The following UBAP1L variants were observed in gnomAD, a reference collection of about 807,000 sequenced individuals.
UBAP1L encodes ubiquitin-associated protein 1-like.
Under a neutral mutation model 32.1 loss-of-function variants are expected in UBAP1L, and 32 were observed. That is an observed-to-expected ratio of 1.00 (90% CI 0.75 to 1.34). The LOEUF (loss-of-function observed/expected upper bound fraction) is 1.34. UBAP1L is among the 40% of genes most tolerant of loss of function. UBAP1L has a pLI of 0.00. For synonymous variants in UBAP1L, 243 were observed against 250.2 expected (o/e 0.97, Z 0.27); for missense variants, 516 against 540.5 (o/e 0.95, Z 0.45).
At chr15:65,107,270 A>T (rs1009174987) in intron 1 of UBAP1L, among the ~76,000 whole-genome samples, 1 of 151,736 alleles carries the variant, frequency 6.6e-6, no homozygotes, top group Non-Finnish European at 1.5e-5. Context: ...TCTCTAACAC[A>T]TCACACAGTG....
rs942973908 is a variant in UBAP1L, at chr15:65,115,161, CAGG to C, written c.-188_-186del. On this transcript the variant is annotated 5_prime_UTR_variant, in exon 1 of 6. Coordinates refer to ENST00000559089, the MANE Select transcript of UBAP1L (RefSeq NM_001163692.2). Reference sequence around the variant, plus strand: ...TACTTTGTACTTACCTTGTAATTACCAGGAGAACTTCCCTGCAGACAAAGCGTG... The same window carrying C: ...TACTTTGTACTTACCTTGTAATTACCAGAACTTCCCTGCAGACAAAGCGTG... 1 of 151,994 alleles carries C rather than the reference CAGG, an allele frequency of 6.6e-6. No individual in the cohort carries two copies. Among genetic ancestry groups the C allele is most frequent in the Non-Finnish European group, 1.5e-5 (1 of 67,994 alleles). 9.4% of individuals were successfully genotyped at this position (151,994 alleles called of 1,614,324 possible). A position where few individuals can be genotyped will look rare whatever the true frequency, so the allele number is the denominator to read the frequency against.
Position 65,094,343 on chromosome 15 carries a change from C to A in UBAP1L, c.1011+132G>T. The A allele has an allele frequency of 1.6e-6, 1 of 626,522 alleles. No individual in the cohort carries two copies. The highest frequency in any genetic ancestry group is 2.8e-6 in the Non-Finnish European group (1 of 363,402). 38.8% of individuals were successfully genotyped at this position (626,522 alleles called of 1,614,324 possible). On this transcript the variant is annotated intron_variant, in intron 5 of 5. Transcript: ENST00000559089. This position sits in a 1 kb window ranked among gnomAD's most constrained non-coding sequence, Gnocchi z 4.2. ...TCCTCCTCAGAGCTGAGGAGTCAGG[C>A]AATCTCCCGACAGACCCACAGGCTG...
rs544887822 is a variant in UBAP1L at position 65,108,705 on chromosome 15, G to A, written c.-173-2317C>T. Among the ~76,000 whole-genome samples the A allele has an allele frequency of 4.0e-4, 61 of 151,806 alleles. 1 individual carries two copies. The South Asian group carries it at 0.013, about 32-fold the overall frequency. On this transcript the variant is annotated intron_variant, in intron 1 of 5. Coordinates refer to ENST00000559089, the MANE Select transcript of UBAP1L (RefSeq NM_001163692.2). ...GGCTGCAGTAAGATGAGTGAGCTGT[G>A]AGCCCAGGTTGCACTCCAGCCTGGG...
chr15:65,104,891 C>G (rs2087287455), intron 2 of UBAP1L: 1 of 396,244 alleles, frequency 2.5e-6, no homozygotes, highest in Admixed American at 3.1e-5. Context: ...CCTGTAATCC[C>G]AGCTACTCGG....
In UBAP1L at chr15:65,093,110, G is replaced by C; in HGVS notation, c.1133C>G (p.Ala378Gly). The part of the protein sequence containing the change: ...RREQALEELV[A>G]CAQ ...GTGCCTCCGTGGTCACTGGGCACAG[G>C]CCACCAGCTCCTCCAGGGCTTGCTC... is the stretch of plus-strand genomic sequence containing the variant. Residue 378 changes from alanine (A) to glycine (G), a missense_variant, in exon 6 of 6, where the codon GCC (alanine) becomes GGC (glycine). Coordinates refer to ENST00000559089, the MANE Select transcript of UBAP1L (RefSeq NM_001163692.2). 6.5e-7 allele frequency: 1 copy of C among 1,548,680 alleles called. No homozygotes were observed. The highest frequency in any genetic ancestry group is 8.7e-7 in the Non-Finnish European group (1 of 1,146,398).
intron 1 of UBAP1L, among the ~76,000 whole-genome samples, chr15:65,113,919 C>T (rs1267047720): frequency 6.6e-6 from 1 of 152,084 alleles, no homozygotes; most frequent in South Asian, 2.1e-4. Flanking sequence ...TGAAGTCTTG[C>T]TCTGTTGCCC....
Position 65,102,434 on chromosome 15 carries a change from G to A in UBAP1L, c.371C>T (p.Ala124Val). ...GGAGCCCGGTTGGAGGCTGCTGGGG[G>A]CCGGCTCTTCCTCGCTGCCAGAGGA... is the stretch of plus-strand genomic sequence containing the variant. Reference protein sequence around the residue: ...EASSGSEEEPAPSSLQPGSPA... With the variant: ...EASSGSEEEPVPSSLQPGSPA... Residue 124 changes from alanine to valine, a missense_variant, in exon 3 of 6, where the codon GCC becomes GTC. Coordinates refer to ENST00000559089, the MANE Select transcript of UBAP1L (RefSeq NM_001163692.2). This position sits in a 1 kb window ranked among gnomAD's most constrained non-coding sequence, Gnocchi z 5.0. 1.4e-6 allele frequency: 2 copies of A among 1,425,230 alleles called. No homozygotes were observed. The highest frequency in any genetic ancestry group is 1.8e-6 in the Non-Finnish European group (2 of 1,092,288). The allele number at this position is 1,425,230 out of a possible 1,614,324, so 88.3% of individuals were successfully genotyped here. A position where few individuals can be genotyped will look rare whatever the true frequency, so the allele number is the denominator to read the frequency against.
chr15:65,106,165 T>TATC lies in UBAP1L; in HGVS notation c.48_50dup (p.Val16_Ile17insMet). On this transcript the variant is annotated inframe_insertion, in exon 2 of 6. Coordinates refer to ENST00000559089, the MANE Select transcript of UBAP1L (RefSeq NM_001163692.2). ...CTGGCCCAGGGAGAGGCTCTGTGCCTATCACAAAGCCCTTGGGCAACTTGA... is the reference window on the plus strand; with the variant it reads ...CTGGCCCAGGGAGAGGCTCTGTGCCTATCATCACAAAGCCCTTGGGCAACTTGA... 6.5e-7 allele frequency: 1 copy of TATC among 1,550,276 alleles called. No homozygotes were observed. Among genetic ancestry groups the TATC allele is most frequent in the Non-Finnish European group, 8.7e-7 (1 of 1,146,646 alleles).
At chr15:65,100,562 T>G (rs901309925) in intron 3 of UBAP1L, 5 of 152,268 alleles carry the variant, frequency 3.3e-5, no homozygotes, top group African/African-American at 9.7e-5. Flanking sequence ...GGAGGGTGAC[T>G]TGAAGGCATT....
chr15:65,108,565 C>G (rs2087342564), intron 1 of UBAP1L, among the ~76,000 whole-genome samples: 1 of 151,768 alleles, frequency 6.6e-6, no homozygotes, highest in South Asian at 2.1e-4. Context: ...GGCAACAAAG[C>G]AAGACCCCTA....
rs181007309 is a variant in UBAP1L, at chr15:65,109,299, T to C, written c.-173-2911A>G. On this transcript the variant is annotated intron_variant, in intron 1 of 5. Coordinates refer to ENST00000559089, the MANE Select transcript of UBAP1L (RefSeq NM_001163692.2). Reference sequence around the variant, plus strand: ...GAGATCGAGACCATTCTGGCTAACATGGTGAAACCCCGTCTCTACTAAAAA... The same window carrying C: ...GAGATCGAGACCATTCTGGCTAACACGGTGAAACCCCGTCTCTACTAAAAA... Among the ~76,000 whole-genome samples the C allele has an allele frequency of 4.9e-3, 742 of 151,674 alleles. 1 individual carries two copies. Among genetic ancestry groups the C allele is most frequent in the Non-Finnish European group, 7.8e-3 (527 of 67,894 alleles).
intron 1 of UBAP1L, among the ~76,000 whole-genome samples, chr15:65,113,726 C>T (rs556395928): frequency 3.0e-4 from 45 of 151,808 alleles, no homozygotes; most frequent in Middle Eastern, 6.8e-3. Context: ...CCAGCCTGGG[C>T]GACAAAGCGA....
At chr15:65,103,055 C>A (rs1231234166) in intron 2 of UBAP1L, among the ~76,000 whole-genome samples, 1 of 152,182 alleles carries the variant, frequency 6.6e-6, no homozygotes, top group South Asian at 2.1e-4. Context: ...CACCTGAGCC[C>A]AGCAGTTTGC....
intron 4 of UBAP1L, 43 bp downstream of exon 4, chr15:65,099,462 G>A (rs1326885181): frequency 6.5e-7 from 1 of 1,536,370 alleles, no homozygotes; most frequent in Non-Finnish European, 8.8e-7. Context: ...CACTCACCTG[G>A]CTCCAGCATC....
At chr15:65,107,525 G>A (rs949807001) in intron 1 of UBAP1L, among the ~76,000 whole-genome samples, 1 of 151,906 alleles carries the variant, frequency 6.6e-6, no homozygotes, top group African/African-American at 2.4e-5. Flanking sequence ...ATTATCTTGA[G>A]GTCAGGAGTT....
At chr15:65,103,268 G>A (rs991685948) in intron 2 of UBAP1L, among the ~76,000 whole-genome samples, 3 of 152,258 alleles carry the variant, frequency 2.0e-5, no homozygotes, top group African/African-American at 4.8e-5. Context: ...AGAACATTGA[G>A]TTTGCTAGAA....
Position 65,094,978 on chromosome 15 carries a change from T to C in UBAP1L, c.910-402A>G. ...CACCCATTCGTGTGAAGGTGCCTCC[T>C]CATCCGTCCACACCTGTGCACCCCT... is the stretch of plus-strand genomic sequence containing the variant. On this transcript the variant is annotated intron_variant, in intron 4 of 5. Transcript: ENST00000559089. The surrounding 1 kb of genome is among the most constrained non-coding windows in gnomAD (Gnocchi z 4.2). 1.5e-5 allele frequency: 4 copies of C among 268,318 alleles called. No homozygotes were observed. The highest frequency in any genetic ancestry group is 3.0e-5 in the Non-Finnish European group (4 of 135,042). 16.6% of individuals were successfully genotyped at this position (268,318 alleles called of 1,614,324 possible). A position where few individuals can be genotyped will look rare whatever the true frequency, so the allele number is the denominator to read the frequency against.
Position 65,102,216 on chromosome 15 carries a change from CAG to C in UBAP1L, c.587_588del (p.Ser196CysfsTer63). ...TGGGGCGCGGGCCCCGGGGGTGATG[CAG>C]ACCTGGGGGACTGCGCAGGGCTCGG... The part of the protein sequence containing the change: ...LCPSPAQSPR[S>X]ASPPGPAPQH... On this transcript the variant is annotated frameshift_variant, in exon 3 of 6. Coordinates refer to ENST00000559089, the MANE Select transcript of UBAP1L (RefSeq NM_001163692.2). LOFTEE classifies it high-confidence loss of function. This position sits in a 1 kb window ranked among gnomAD's most constrained non-coding sequence, Gnocchi z 5.0. 1 of 1,216,966 alleles carries C rather than the reference CAG, an allele frequency of 8.2e-7. No individual in the cohort carries two copies. Among genetic ancestry groups the C allele is most frequent in the South Asian group, 3.4e-5 (1 of 29,242 alleles). 75.4% of individuals were successfully genotyped at this position (1,216,966 alleles called of 1,614,324 possible). A position where few individuals can be genotyped will look rare whatever the true frequency, so the allele number is the denominator to read the frequency against.
intron 3 of UBAP1L, 135 bp downstream of exon 3, chr15:65,101,971 C>T: frequency 2.8e-6 from 1 of 352,036 alleles, no homozygotes; most frequent in East Asian, 4.6e-5. Context: ...GGTACAGGCC[C>T]AGGTGGGAGC....
Sources: gnomAD v4.1 joint callset for allele counts (sites outside exome capture counted in the v4.1 genomes callset) on GRCh38, gnomAD v4.1.1 for gene constraint, Gnocchi (gnomAD v3.1) non-coding constraint, MANE v1.5 for transcripts, NCBI Gene and HGNC (gene_info 2026-07-23, HGNC 2026-07-21) for gene names.